The following SVIL variants were observed in gnomAD, a reference collection of about 807,000 sequenced individuals.
SVIL encodes the protein supervillin.
In SVIL, 101 loss-of-function variants were observed where a neutral mutation model predicts 240.4. The observed-to-expected ratio is 0.42, with a 90% CI of 0.36 to 0.50. The LOEUF is 0.50. SVIL is among the 20% of genes least tolerant of loss of function. The pLI is 0.01. For missense variants in SVIL, 2,512 were observed against 2,818.7 expected (o/e 0.89, Z 2.46); for synonymous variants, 999 against 1,100.0 (o/e 0.91, Z 1.82).
intron 1 of SVIL, among the ~76,000 whole-genome samples, chr10:29,626,841 G>A (rs1474753918): frequency 6.6e-6 from 1 of 151,960 alleles, no homozygotes; most frequent in Non-Finnish European, 1.5e-5. Flanking sequence ...TGGCTAATAC[G>A]GTGAAACCCC....
In SVIL at chr10:29,501,376, A is replaced by G. The variant is rs184674156; in HGVS notation, c.3517-2113T>C. Among the ~76,000 whole-genome samples, 634 of 151,414 alleles carry G rather than the reference A, an allele frequency of 4.2e-3. 8 individuals are homozygous for G. In the South Asian group the frequency reaches 0.045, roughly 11 times the overall value. ...GTCAAATATTGAAAGGTAGAGGAGCACAATGTTTCCAAACTACTGGCACAT... is the reference window on the plus strand; with the variant it reads ...GTCAAATATTGAAAGGTAGAGGAGCGCAATGTTTCCAAACTACTGGCACAT... On this transcript the variant is annotated intron_variant, in intron 17 of 37. Coordinates refer to ENST00000355867, the MANE Select transcript of SVIL (RefSeq NM_021738.3).
rs560120527 is a variant in SVIL at position 29,724,584 on chromosome 10, T to C, written c.-400+11167A>G. On this transcript the variant is annotated intron_variant, in intron 1 of 35. Transcript: ENST00000375400. ...GTCAGAATGAAAAAAAATATATAAA[T>C]CCTATTTCAAAGTCTAATACCGAAT... Among the ~76,000 whole-genome samples the C allele has an allele frequency of 3.3e-5, 5 of 152,232 alleles. No individual in the cohort carries two copies. The East Asian group carries it at 9.6e-4, about 29-fold the overall frequency.
chr10:29,630,830 A>G (rs1353090090), intron 1 of SVIL, among the ~76,000 whole-genome samples: 1 of 152,156 alleles, frequency 6.6e-6, no homozygotes, highest in African/African-American at 2.4e-5. Context: ...TACTGGATGG[A>G]TCACAGCCAA....
chr10:29,696,485 G>A (rs1379421293), intron 1 of SVIL, among the ~76,000 whole-genome samples: 1 of 150,862 alleles, frequency 6.6e-6, no homozygotes, highest in Non-Finnish European at 1.5e-5. Context: ...CTGCCCGGCT[G>A]CCATCCCACC....
intron 1 of SVIL, among the ~76,000 whole-genome samples, chr10:29,708,112 G>T (rs1029909647): frequency 2.0e-5 from 3 of 151,758 alleles, no homozygotes; most frequent in Non-Finnish European, 4.4e-5. Context: ...GAAAAAATTA[G>T]CCAGGCATGG....
chr10:29,655,669 C>T (rs1280160385), intron 3 of SVIL, among the ~76,000 whole-genome samples: 1 of 152,178 alleles, frequency 6.6e-6, no homozygotes, highest in Non-Finnish European at 1.5e-5. Context: ...CTAATATTAA[C>T]CATCACAGCA....
chr10:29,620,877 A>G (rs1158548794), intron 1 of SVIL, among the ~76,000 whole-genome samples: 1 of 152,116 alleles, frequency 6.6e-6, no homozygotes, highest in Non-Finnish European at 1.5e-5. Context: ...TCAGCCTCCC[A>G]AAGTGCTGGG....
chr10:29,493,076 C>G (rs1403034226), intron 21 of SVIL, 138 bp downstream of exon 21: 1 of 1,077,406 alleles, frequency 9.3e-7, no homozygotes, highest in African/African-American at 1.6e-5. Context: ...CTTGCCCTGG[C>G]TCTAGAATAC....
At chr10:29,664,105 G>C (rs1184286533) in intron 2 of SVIL, among the ~76,000 whole-genome samples, 2 of 152,108 alleles carry the variant, frequency 1.3e-5, no homozygotes, top group African/African-American at 4.8e-5. Flanking sequence ...GACACATCAG[G>C]TCCTCATACA....
At chr10:29,705,852 G>GTATA (rs1962854873) in intron 1 of SVIL, among the ~76,000 whole-genome samples, 1 of 152,232 alleles carries the variant, frequency 6.6e-6, no homozygotes, top group African/African-American at 2.4e-5. Context: ...ATTCCATGGT[G>GTATA]TATATGTGCC....
intron 17 of SVIL, among the ~76,000 whole-genome samples, chr10:29,508,728 T>G (rs1354080599): frequency 2.0e-5 from 3 of 152,198 alleles, no homozygotes; most frequent in African/African-American, 7.2e-5. Flanking sequence ...GGGCACTTGT[T>G]CTGGGGCTGT....
chr10:29,525,973 C>T (rs1950871634), intron 13 of SVIL, among the ~76,000 whole-genome samples: 1 of 152,174 alleles, frequency 6.6e-6, no homozygotes, highest in African/African-American at 2.4e-5. Context: ...GTGGGTGTAC[C>T]AGCTTTATCC....
intron 6 of SVIL, among the ~76,000 whole-genome samples, chr10:29,547,489 C>T (rs992810005): frequency 6.6e-6 from 1 of 152,118 alleles, no homozygotes; most frequent in African/African-American, 2.4e-5. Context: ...GAGGCTAAGG[C>T]TTGGCTTATG....
At chr10:29,485,942 C>G in intron 26 of SVIL, 143 bp downstream of exon 26, 1 of 917,426 alleles carries the variant, frequency 1.1e-6, no homozygotes, top group Non-Finnish European at 1.6e-6. Flanking sequence ...CACAAATATC[C>G]TTTAAAAAGC....
chr10:29,554,198 G>A (rs56340430), intron 5 of SVIL, among the ~76,000 whole-genome samples: 45,250 of 151,660 alleles, frequency 0.3, 7,009 homozygotes, highest in African/African-American at 0.38. Flanking sequence ...ATAGTCCCAG[G>A]TACTTGGGAG....
chr10:29,529,664 A>G (rs1170994362), intron 12 of SVIL, 41 bp downstream of exon 12: 3 of 1,539,366 alleles, frequency 1.9e-6, no homozygotes, highest in Non-Finnish European at 2.6e-6. Context: ...TTTTAAAAAA[A>G]GACACTATAG....
At chr10:29,554,013 C>T (rs189636123) in intron 5 of SVIL, among the ~76,000 whole-genome samples, 2 of 152,206 alleles carry the variant, frequency 1.3e-5, no homozygotes, top group Admixed American at 1.3e-4. Flanking sequence ...CCTTTGAGGG[C>T]CCCAGTCTAG....
At chr10:29,693,833 A>G (rs1961707436) in intron 1 of SVIL, among the ~76,000 whole-genome samples, 1 of 152,238 alleles carries the variant, frequency 6.6e-6, no homozygotes, top group East Asian at 1.9e-4. Context: ...CACATTAATC[A>G]AATCTTCTTT....
At chr10:29,577,695 T>C (rs545994662) in intron 1 of SVIL, among the ~76,000 whole-genome samples, 16 of 152,356 alleles carry the variant, frequency 1.1e-4, no homozygotes, top group Middle Eastern at 6.8e-3. Context: ...TTTGGGTAGA[T>C]ACCCAGTAGT....
Sources: gnomAD v4.1 joint callset for allele counts (sites outside exome capture counted in the v4.1 genomes callset) on GRCh38, gnomAD v4.1.1 for gene constraint, MANE v1.5 for transcripts, NCBI Gene and HGNC (gene_info 2026-07-23, HGNC 2026-07-21) for gene names.